CPM: variants seen among roughly 807,000 people sequenced by gnomAD.
The protein encoded by CPM is carboxypeptidase M.
Under a neutral mutation model 46.4 loss-of-function variants are expected in CPM, and 35 were observed. The observed-to-expected ratio is 0.75, with a 90% CI of 0.58 to 1.00. CPM has a LOEUF of 1.00. Ranked by LOEUF, CPM falls within the 50% of genes least tolerant of loss-of-function variation. The pLI is 0.00. For missense variants in CPM, 422 were observed against 530.4 expected, an observed-to-expected ratio of 0.80 and a Z score of 2.01; for synonymous variants, 195 against 195.3, an observed-to-expected ratio of 1.00 and a Z score of 0.01.
intron 2 of CPM, among the ~76,000 whole-genome samples, chr12:68,886,474 T>C (rs1486230978): frequency 6.6e-6 from 1 of 151,790 alleles, no homozygotes; most frequent in Non-Finnish European, 1.5e-5. Flanking sequence ...CTACTAAATA[T>C]ACAAAAAATT....
intron 7 of CPM, among the ~76,000 whole-genome samples, chr12:68,861,950 T>G (rs1158837893): frequency 6.7e-6 from 1 of 148,410 alleles, no homozygotes; most frequent in African/African-American, 2.5e-5. Flanking sequence ...ATGGTACCCT[T>G]TAAAAAAAGG....
intron 1 of CPM, among the ~76,000 whole-genome samples, chr12:68,942,940 G>T (rs996946557): frequency 6.6e-6 from 1 of 152,070 alleles, no homozygotes; most frequent in Non-Finnish European, 1.5e-5. Context: ...AAATCTAAAC[G>T]TTTGAAATTA....
intron 8 of CPM, among the ~76,000 whole-genome samples, 190 bp from the exon 9 acceptor site, chr12:68,856,869 C>A (rs768052358): frequency 3.9e-5 from 6 of 152,142 alleles, no homozygotes; most frequent in Non-Finnish European, 7.3e-5. Flanking sequence ...CAGAGACCAG[C>A]GTTGTGAATG....
intron 1 of CPM, among the ~76,000 whole-genome samples, chr12:68,952,701 A>G (rs570289257): frequency 1.3e-5 from 2 of 152,310 alleles, no homozygotes; most frequent in South Asian, 2.1e-4. Flanking sequence ...TGTCTTATTT[A>G]TAATCTTTTC....
At chr12:68,961,117 G>A (rs2136341111) in intron 1 of CPM, among the ~76,000 whole-genome samples, 1 of 152,188 alleles carries the variant, frequency 6.6e-6, no homozygotes, top group Non-Finnish European at 1.5e-5. Flanking sequence ...GATGAGAAGA[G>A]TCATGAGAAA....
At chr12:68,943,145 G>C (rs1888790993) in intron 1 of CPM, among the ~76,000 whole-genome samples, 1 of 152,166 alleles carries the variant, frequency 6.6e-6, no homozygotes, top group African/African-American at 2.4e-5. Flanking sequence ...AAGGTCTGTG[G>C]AACCACACCA....
chr12:68,936,182 A>G (rs1888669792), upstream of CPM, among the ~76,000 whole-genome samples: 1 of 151,964 alleles, frequency 6.6e-6, no homozygotes, highest in African/African-American at 2.4e-5. Context: ...AGAATCTGTC[A>G]CTCCACTCCA....
chr12:68,842,469 A>AT (rs1883856942), intron 5 of CPM: 2 of 412,874 alleles, frequency 4.8e-6, no homozygotes, highest in South Asian at 1.9e-5. Context: ...TTATTGACTT[A>AT]TTTTTTATAT....
At chr12:68,906,774 T>C (rs550864234) in intron 2 of CPM, among the ~76,000 whole-genome samples, 4 of 152,316 alleles carry the variant, frequency 2.6e-5, no homozygotes, top group African/African-American at 9.6e-5. Context: ...CCACTGTGGA[T>C]TTTCATAAAC....
At chr12:68,933,222 G>T (rs1284375026), upstream of CPM, 1 of 151,902 alleles carries the variant, frequency 6.6e-6, no homozygotes, top group Non-Finnish European at 1.5e-5. Flanking sequence ...GGGCGGGCGC[G>T]CCCGGGCCCC....
intron 2 of CPM, among the ~76,000 whole-genome samples, chr12:68,902,674 C>G (rs1032436010): frequency 1.3e-5 from 2 of 152,170 alleles, no homozygotes; most frequent in Non-Finnish European, 2.9e-5. Context: ...ATCATTTAAT[C>G]CTCAACAGAA....
intron 4 of CPM, among the ~76,000 whole-genome samples, chr12:68,870,961 G>C (rs561630664): frequency 6.6e-6 from 1 of 152,322 alleles, no homozygotes; most frequent in Admixed American, 6.5e-5. Flanking sequence ...GTGAAACGTG[G>C]AACAGCCATG....
chr12:68,930,718 A>C (rs1476016462), intron 2 of CPM, among the ~76,000 whole-genome samples: 1 of 152,270 alleles, frequency 6.6e-6, no homozygotes, highest in Non-Finnish European at 1.5e-5. Context: ...AATTAAAAAC[A>C]AAATTAAGCC....
intron 2 of CPM, among the ~76,000 whole-genome samples, chr12:68,918,667 G>A (rs867726922): frequency 6.7e-6 from 1 of 149,080 alleles, no homozygotes; most frequent in South Asian, 2.1e-4. Flanking sequence ...CAACCCATTA[G>A]CAAGTACTCT....
downstream of CPM, chr12:68,850,122 T>C (rs901961014): frequency 2.0e-5 from 3 of 151,892 alleles, no homozygotes; most frequent in African/African-American, 7.3e-5. Context: ...CTGTCTTAAC[T>C]AAAAATACAA....
At chr12:68,856,787 G>A (rs1432773835) in intron 8 of CPM, 108 bp from the exon 9 acceptor site, 2 of 1,397,038 alleles carry the variant, frequency 1.4e-6, no homozygotes, top group Non-Finnish European at 9.8e-7. Context: ...TGCAATGCAT[G>A]TAACAATCTA....
chr12:68,932,734 A>G lies in CPM; in HGVS notation c.104T>C (p.Val35Ala). 2 of 1,614,212 alleles carry G rather than the reference A, an allele frequency of 1.2e-6. No individual in the cohort carries two copies. Among genetic ancestry groups the G allele is most frequent in the Admixed American group, 1.7e-5 (1 of 60,028 alleles). The part of the protein sequence containing the change: ...QEGMEAFLKT[V>A]AQNYSSVTHL... ...AGTGACAGAACTGTAGTTTTGGGCA[A>G]CAGTCTTCAAAAACGCTTCCATCCC... Residue 35 changes from valine (V) to alanine (A), a missense_variant, in exon 2 of 9, where the codon GTT (valine) becomes GCT (alanine). Physicochemically the swap from Val to Ala is moderately conservative, Grantham distance 64. Transcript: ENST00000551568.
At chr12:68,924,209 G>A (rs1320477475) in intron 2 of CPM, among the ~76,000 whole-genome samples, 1 of 150,150 alleles carries the variant, frequency 6.7e-6, no homozygotes, top group African/African-American at 2.5e-5. Context: ...GACAAGATAA[G>A]TGATAGGAAG....
At chr12:68,872,900 T>G (rs143898990) in intron 3 of CPM, among the ~76,000 whole-genome samples, 1 of 152,148 alleles carries the variant, frequency 6.6e-6, no homozygotes, top group Admixed American at 6.5e-5. Flanking sequence ...CCACCTAAAT[T>G]AGCTTGCAGT....
Sources: allele counts gnomAD v4.1 joint callset (sites outside exome capture counted in the v4.1 genomes callset), GRCh38; gene constraint gnomAD v4.1.1; transcripts MANE v1.5; gene names NCBI Gene and HGNC (gene_info 2026-07-23, HGNC 2026-07-21).